The following DBNDD1 variants were observed in gnomAD, a reference collection of about 807,000 sequenced individuals.
DBNDD1 encodes the protein dysbindin domain-containing protein 1.
DBNDD1 carries 14 observed loss-of-function variants against 17.0 expected under a neutral mutation model. The observed-to-expected ratio is 0.82, with a 90% CI of 0.54 to 1.29. The LOEUF (loss-of-function observed/expected upper bound fraction) is 1.29. Among genes scored for constraint, DBNDD1 ranks in the 50% most tolerant of loss-of-function variants. The pLI is 0.00. For missense variants in DBNDD1, 221 were observed against 216.2 expected (o/e 1.02, Z -0.14); for synonymous variants, 105 against 102.0 (o/e 1.03, Z -0.18).
chr16:90,018,079 T>A (rs1310680255), intron 1 of DBNDD1, among the ~76,000 whole-genome samples: 3 of 152,208 alleles, frequency 2.0e-5, no homozygotes, highest in Non-Finnish European at 4.4e-5. Flanking sequence ...GAAGCAGAAC[T>A]GTCTCCACTG....
At chr16:90,016,700 C>T (rs1179259073) in intron 1 of DBNDD1, among the ~76,000 whole-genome samples, 2 of 152,178 alleles carry the variant, frequency 1.3e-5, no homozygotes, top group African/African-American at 4.8e-5. Flanking sequence ...ATGCCCTGTG[C>T]TCTGCTGCTG....
At chr16:90,011,779 C>T (rs1486695423) in intron 1 of DBNDD1, 11 of 413,580 alleles carry the variant, frequency 2.7e-5, no homozygotes, top group East Asian at 7.3e-5. Context: ...GATACCTCTC[C>T]GCCCAGAGGG....
At chr16:90,010,725 A>T (rs1166231008) in intron 1 of DBNDD1, among the ~76,000 whole-genome samples, 1 of 152,040 alleles carries the variant, frequency 6.6e-6, no homozygotes, top group Non-Finnish European at 1.5e-5. Flanking sequence ...GGCGAGTCTT[A>T]TGTCCATCCC....
chr16:90,018,402 T>C (rs948970005), intron 1 of DBNDD1, among the ~76,000 whole-genome samples: 3 of 152,194 alleles, frequency 2.0e-5, no homozygotes, highest in Non-Finnish European at 2.9e-5. Context: ...GATGCCACTG[T>C]GTGCGGCTGG....
intron 2 of DBNDD1, 169 bp from the exon 3 acceptor site, chr16:90,009,093 G>T: frequency 8.4e-7 from 1 of 1,194,502 alleles, no homozygotes; most frequent in Non-Finnish European, 1.1e-6. Context: ...GTATACTCAT[G>T]ACTAGAAGGC....
At chr16:90,018,694 G>A (rs940273723) in intron 1 of DBNDD1, among the ~76,000 whole-genome samples, 1 of 152,228 alleles carries the variant, frequency 6.6e-6, no homozygotes, top group African/African-American at 2.4e-5. Flanking sequence ...CACCATCAGG[G>A]CAGGGAGCGC....
At chr16:90,009,988 A>T (rs1567833685) in intron 1 of DBNDD1, 1 of 1,614,180 alleles carries the variant, frequency 6.2e-7, no homozygotes, top group South Asian at 1.1e-5. Flanking sequence ...CCATTCTGTG[A>T]TCCCTTAGCC....
chr16:90,012,464 CT>C (rs113580185), intron 1 of DBNDD1, among the ~76,000 whole-genome samples: 5,600 of 145,400 alleles, frequency 0.039, 353 homozygotes, highest in African/African-American at 0.13. Context: ...TCTCCTCTCT[CT>C]TTTTTTTTTT....
intron 3 of DBNDD1, 183 bp from the exon 4 acceptor site, chr16:90,006,675 A>G: frequency 1.3e-6 from 1 of 790,958 alleles, no homozygotes. Context: ...CCCACCAGAG[A>G]GGTGGATGTT....
chr16:90,008,594 T>C (rs78887932), intron 3 of DBNDD1, among the ~76,000 whole-genome samples, 190 bp downstream of exon 3: 350 of 27,686 alleles, frequency 0.013, 12 homozygotes, highest in Admixed American at 0.029. Flanking sequence ...CGCACACCTC[T>C]CAGGACTTCC....
intron 1 of DBNDD1, among the ~76,000 whole-genome samples, chr16:90,016,234 G>A (rs1240427263): frequency 6.6e-6 from 1 of 152,192 alleles, no homozygotes; most frequent in Non-Finnish European, 1.5e-5. Flanking sequence ...CGCACAGTAG[G>A]TGCGCAGTAA....
chr16:90,009,390 G>T lies in DBNDD1; in HGVS notation c.72C>A (p.Gly24=). The change falls in exon 2 of 4, where the codon GGC becomes GGA. Residue 24 remains glycine (G), a synonymous_variant. Transcript: ENST00000002501. Reference sequence around the variant, plus strand: ...TGTCCCCTGTCCCCTGGGCTGGGACGCCCAGCGCAGCCTGCGGCACCTCAG... The same window carrying T: ...TGTCCCCTGTCCCCTGGGCTGGGACTCCCAGCGCAGCCTGCGGCACCTCAG... ...KEAEVPQAAL[G]VPAQGTGDNG... The T allele has an allele frequency of 6.2e-7, 1 of 1,612,888 alleles. No homozygotes were observed.
intron 1 of DBNDD1, among the ~76,000 whole-genome samples, chr16:90,012,546 G>T (rs994456644): frequency 6.7e-6 from 1 of 148,944 alleles, no homozygotes; most frequent in African/African-American, 2.5e-5. Context: ...CAAAACCTCC[G>T]CCTCCTGGGT....
intron 1 of DBNDD1, among the ~76,000 whole-genome samples, chr16:90,018,699 G>A (rs1209153283): frequency 1.3e-5 from 2 of 152,216 alleles, no homozygotes; most frequent in Non-Finnish European, 2.9e-5. Context: ...TCAGGGCAGG[G>A]AGCGCTCCAC....
At position 90,009,377 on chromosome 16, in the gene DBNDD1, CCTGGGCT is replaced by C; in HGVS notation, c.78_84del (p.Ala27GlyfsTer34). The C allele has an allele frequency of 6.2e-7, 1 of 1,613,376 alleles. No individual in the cohort carries two copies. The highest frequency in any genetic ancestry group is 8.5e-7 in the Non-Finnish European group (1 of 1,180,016). On this transcript the variant is annotated frameshift_variant, in exon 2 of 4. Transcript: ENST00000002501. LOFTEE classifies it high-confidence loss of function. ...GGCGTGTGGCCATTGTCCCCTGTCC[CCTGGGCT>C]GGGACGCCCAGCGCAGCCTGCGGCA...
At chr16:90,016,558 G>A (rs1453775081) in intron 1 of DBNDD1, among the ~76,000 whole-genome samples, 2 of 152,152 alleles carry the variant, frequency 1.3e-5, no homozygotes, top group East Asian at 1.9e-4. Context: ...TATCAAGGGG[G>A]ACCCAACCCC....
At chr16:90,014,119 A>AATT (rs1213430641) in intron 1 of DBNDD1, among the ~76,000 whole-genome samples, 5 of 151,630 alleles carry the variant, frequency 3.3e-5, no homozygotes, top group African/African-American at 7.3e-5. Context: ...TGAATTTTTA[A>AATT]ATTATTATTA....
At chr16:90,016,444 C>T (rs1444836124) in intron 1 of DBNDD1, among the ~76,000 whole-genome samples, 1 of 152,180 alleles carries the variant, frequency 6.6e-6, no homozygotes, top group African/African-American at 2.4e-5. Flanking sequence ...CCCCCAAGGT[C>T]TCCAGGGCCA....
In DBNDD1 at chr16:90,009,338, C is replaced by G. The variant is rs2035506187; in HGVS notation, c.124G>C (p.Val42Leu). 6.2e-7 allele frequency: 1 copy of G among 1,613,558 alleles called. No individual in the cohort carries two copies. The highest frequency in any genetic ancestry group is 1.1e-5 in the South Asian group (1 of 91,088). Residue 42 changes from valine to leucine, a missense_variant, in exon 2 of 4, where the codon GTC becomes CTC. Physicochemically the swap from Val to Leu is conservative, Grantham distance 32 (BLOSUM62 1). Coordinates refer to ENST00000002501, the MANE Select transcript of DBNDD1 (RefSeq NM_001042610.3). Reference protein sequence around the residue: ...DNGHTPVEEEVGGIPVPAPGL... With the variant: ...DNGHTPVEEELGGIPVPAPGL... The stretch of plus-strand genomic sequence containing the variant: ...GGTGCTGGTACTGGGATGCCCCCGA[C>G]CTCCTCCTCCACAGGCGTGTGGCCA...
Sources: allele counts gnomAD v4.1 joint callset (sites outside exome capture counted in the v4.1 genomes callset), GRCh38; gene constraint gnomAD v4.1.1; transcripts MANE v1.5; gene names NCBI Gene and HGNC (gene_info 2026-07-23, HGNC 2026-07-21).